NRG2: variants seen among roughly 807,000 people sequenced by gnomAD.
NRG2 encodes pro-neuregulin-2, membrane-bound isoform.
A neutral mutation model predicts 73.9 loss-of-function variants in NRG2; 27 were observed. That is an observed-to-expected ratio of 0.37 (90% CI 0.27 to 0.50). NRG2 has a LOEUF of 0.50. NRG2 is among the 20% of genes least tolerant of loss of function. NRG2 has a pLI of 0.96. For missense variants in NRG2, 1,126 were observed against 1,210.1 expected (o/e 0.93, Z 1.03); for synonymous variants, 532 against 541.0 (o/e 0.98, Z 0.23).
Position 139,865,712 on chromosome 5 carries a change from T to A in NRG2, c.1113-87A>T. On this transcript the variant is annotated intron_variant, in intron 4 of 9. Coordinates refer to ENST00000361474, the MANE Select transcript of NRG2 (RefSeq NM_004883.3). The surrounding 1 kb of genome is among the most constrained non-coding windows in gnomAD (Gnocchi z 5.2). ...AGAAATCAAAGTGCACAGTGATGAATGAGAAAAACCAAGTCAGGCACTTGG... is the reference window on the plus strand; with the variant it reads ...AGAAATCAAAGTGCACAGTGATGAAAGAGAAAAACCAAGTCAGGCACTTGG... The A allele has an allele frequency of 8.6e-7, 1 of 1,156,498 alleles. No homozygotes were observed. Among genetic ancestry groups the A allele is most frequent in the Non-Finnish European group, 1.2e-6 (1 of 800,928 alleles). The allele number at this position is 1,156,498 out of a possible 1,614,324, so 71.6% of individuals were successfully genotyped here. A position where few individuals can be genotyped will look rare whatever the true frequency, so the allele number is the denominator to read the frequency against.
At position 139,847,971 on chromosome 5, in the gene NRG2, G is replaced by C; in HGVS notation, c.2499C>G (p.Ser833Arg). The change falls in exon 10 of 10, where the codon AGC becomes AGG. Residue 833 changes from serine (S) to arginine (R), a missense_variant. Ser to Arg is a moderately radical substitution (Grantham distance 110, BLOSUM62 -1). Transcript: ENST00000361474. ...GCGGGGGCGGCCCGCGGCTGTGTCT[G>C]CTGCTGGCCCGCGTGCTGTGGCTGT... ...SLDSHSTRAS[S>R]RHSRGPPPRA... is the part of the protein sequence containing the mutation. The C allele has an allele frequency of 6.6e-7, 1 of 1,512,280 alleles. No homozygotes were observed. Among genetic ancestry groups the C allele is most frequent in the Non-Finnish European group, 8.8e-7 (1 of 1,134,874 alleles). The allele number at this position is 1,512,280 out of a possible 1,614,324, so 93.7% of individuals were successfully genotyped here.
At position 139,867,762 on chromosome 5, in the gene NRG2, CTGTG is replaced by C. The variant is rs367771225; in HGVS notation, c.1113-2141_1113-2138del. Among the ~76,000 whole-genome samples, 903 of 128,856 alleles carry C rather than the reference CTGTG, an allele frequency of 7.0e-3. 9 individuals carry two copies. The highest frequency in any genetic ancestry group is 0.02 in the African/African-American group (659 of 33,756). The allele number at this position is 128,856 out of a possible 152,430, so 84.5% of individuals were successfully genotyped here. A position where few individuals can be genotyped will look rare whatever the true frequency, so the allele number is the denominator to read the frequency against. On this transcript the variant is annotated intron_variant, in intron 4 of 9. Transcript: ENST00000361474. ...GCCCAGCTCTTGGAGGAAGGGAAAC[CTGTG>C]TGTGTGTGTGTGTGTGTGTGTGTGT... is the stretch of plus-strand genomic sequence containing the variant.
Position 139,856,561 on chromosome 5 carries a change from G to A in NRG2, c.1190-783C>T, listed in dbSNP as rs1370340873. The stretch of plus-strand genomic sequence containing the variant: ...AGGCTACAGCCCGGAGACCCCACCC[G>A]TGCCCACCACACCTGCTGGCTGGCC... On this transcript the variant is annotated intron_variant, in intron 5 of 9. Coordinates refer to ENST00000361474, the MANE Select transcript of NRG2 (RefSeq NM_004883.3). This position sits in a 1 kb window ranked among gnomAD's most constrained non-coding sequence, Gnocchi z 4.2. Among the ~76,000 whole-genome samples, 3 of 152,138 alleles carry A rather than the reference G, an allele frequency of 2.0e-5. No homozygotes were observed. The highest frequency in any genetic ancestry group is 2.1e-4 in the South Asian group (1 of 4,824).
chr5:139,964,387 C>T (rs1755327598), intron 1 of NRG2, among the ~76,000 whole-genome samples: 1 of 146,926 alleles, frequency 6.8e-6, no homozygotes, highest in Non-Finnish European at 1.5e-5. Flanking sequence ...CACACACACA[C>T]ACACGGATGC....
chr5:139,875,550 A>G (rs557035560), intron 3 of NRG2, among the ~76,000 whole-genome samples: 7 of 152,314 alleles, frequency 4.6e-5, no homozygotes, highest in African/African-American at 1.7e-4. Flanking sequence ...GGCTGATAAT[A>G]TCATCTTTTT....
At chr5:139,991,768 T>C (rs1757648933) in intron 1 of NRG2, among the ~76,000 whole-genome samples, 1 of 152,196 alleles carries the variant, frequency 6.6e-6, no homozygotes, top group South Asian at 2.1e-4. Flanking sequence ...GTTTCGCTTT[T>C]TTGCATATGA....
intron 1 of NRG2, among the ~76,000 whole-genome samples, chr5:139,902,682 T>C (rs1351138309): frequency 6.6e-6 from 1 of 152,034 alleles, no homozygotes; most frequent in African/African-American, 2.4e-5. Flanking sequence ...CCTTCCAAAA[T>C]GCCCAAGGTA....
At chr5:139,864,751 C>T (rs537379859) in intron 5 of NRG2, among the ~76,000 whole-genome samples, 114 of 140,712 alleles carry the variant, frequency 8.1e-4, no homozygotes, top group African/African-American at 3.4e-3. Flanking sequence ...CTCTCAAACA[C>T]GTCGGCACAC....
chr5:139,884,231 C>T (rs1202270177), intron 2 of NRG2, among the ~76,000 whole-genome samples: 1 of 152,166 alleles, frequency 6.6e-6, no homozygotes, highest in Admixed American at 6.5e-5. Flanking sequence ...GTCTAAGGCA[C>T]CATGGGAGGA....
At chr5:139,916,191 G>A (rs1209649266) in intron 1 of NRG2, among the ~76,000 whole-genome samples, 2 of 152,142 alleles carry the variant, frequency 1.3e-5, no homozygotes, top group Non-Finnish European at 2.9e-5. Context: ...CCGATCCCAC[G>A]AAAAACATTC....
chr5:139,944,825 C>T (rs574575380), intron 1 of NRG2, among the ~76,000 whole-genome samples: 9 of 152,170 alleles, frequency 5.9e-5, no homozygotes, highest in Admixed American at 3.3e-4. Flanking sequence ...TCTGAGAGAC[C>T]CCCATACTGT....
Position 139,848,002 on chromosome 5 carries a change from G to T in NRG2, c.2468C>A (p.Ser823Ter). 6.6e-7 allele frequency: 1 copy of T among 1,515,550 alleles called. No homozygotes were observed. Among genetic ancestry groups the T allele is most frequent in the Non-Finnish European group, 8.8e-7 (1 of 1,136,166 alleles). 93.9% of individuals were successfully genotyped at this position (1,515,550 alleles called of 1,614,324 possible). Residue 823 changes from serine to a stop codon, truncating the protein, a stop_gained, in exon 10 of 10, where the codon TCA becomes TAA. Coordinates refer to ENST00000361474, the MANE Select transcript of NRG2 (RefSeq NM_004883.3). LOFTEE classifies it high-confidence loss of function. ...GGCCCGCGTGCTGTGGCTGTCCAGTGAGTAGTAAGTCCTGCTGTCGGCCGC... is the reference window on the plus strand; with the variant it reads ...GGCCCGCGTGCTGTGGCTGTCCAGTTAGTAGTAAGTCCTGCTGTCGGCCGC... ...CPAADSRTYY[S>*]LDSHSTRASS...
At chr5:139,862,912 CTCTT>C (rs1203702711) in intron 5 of NRG2, among the ~76,000 whole-genome samples, 4 of 152,228 alleles carry the variant, frequency 2.6e-5, no homozygotes, top group African/African-American at 9.6e-5. Context: ...CAGTCACAGG[CTCTT>C]TCTTTGATCT....
chr5:139,923,752 C>T (rs1395068539), intron 1 of NRG2, among the ~76,000 whole-genome samples: 1 of 152,100 alleles, frequency 6.6e-6, no homozygotes. Flanking sequence ...TAAGGCCTGA[C>T]AAATGAGAGA....
intron 1 of NRG2, among the ~76,000 whole-genome samples, chr5:139,917,471 A>G (rs911663919): frequency 1.3e-5 from 2 of 152,126 alleles, no homozygotes; most frequent in African/African-American, 2.4e-5. Flanking sequence ...AGGCTGGTCT[A>G]GAACTCCTGG....
chr5:139,898,837 G>A (rs1764708498), intron 1 of NRG2, among the ~76,000 whole-genome samples: 1 of 152,204 alleles, frequency 6.6e-6, no homozygotes, highest in African/African-American at 2.4e-5. Flanking sequence ...ATACCTTCTG[G>A]ATTGTGCCTT....
At position 139,853,275 on chromosome 5, in the gene NRG2, C is replaced by T. The variant is rs1281264101; in HGVS notation, c.1293-248G>A. 2.6e-5 allele frequency among the ~76,000 whole-genome samples: 4 copies of T among 152,164 alleles called. No homozygotes were observed. The South Asian group carries it at 6.2e-4, about 24-fold the overall frequency. On this transcript the variant is annotated intron_variant, in intron 6 of 9. Coordinates refer to ENST00000361474, the MANE Select transcript of NRG2 (RefSeq NM_004883.3). This position sits in a 1 kb window ranked among gnomAD's most constrained non-coding sequence, Gnocchi z 4.1. ...TCACTGCTTTCTAGCTATGCAACCC[C>T]GGGCAAGTTACTTAAGCTCTTCACG...
chr5:139,886,812 T>G (rs1308693013), intron 2 of NRG2, among the ~76,000 whole-genome samples: 2 of 152,170 alleles, frequency 1.3e-5, no homozygotes, highest in Admixed American at 1.3e-4. Context: ...TTCTCAACTT[T>G]TAGGGGGAAA....
Position 139,904,357 on chromosome 5 carries a change from T to C in NRG2, c.701-16846A>G. On this transcript the variant is annotated intron_variant, in intron 1 of 9. Coordinates refer to ENST00000361474, the MANE Select transcript of NRG2 (RefSeq NM_004883.3). This position sits in a 1 kb window ranked among gnomAD's most constrained non-coding sequence, Gnocchi z 6.0. ...CTCCCGCTTCCTCCCCTCTGGGTGC[T>C]TCTTGCCGCGGCCGCGGCCCCTCCT... 1 of 1,589,788 alleles carries C rather than the reference T, an allele frequency of 6.3e-7. No homozygotes were observed. Among genetic ancestry groups the C allele is most frequent in the Non-Finnish European group, 8.5e-7 (1 of 1,176,400 alleles).
Sources: gnomAD v4.1 joint callset for allele counts (sites outside exome capture counted in the v4.1 genomes callset) on GRCh38, gnomAD v4.1.1 for gene constraint, Gnocchi (gnomAD v3.1) non-coding constraint, MANE v1.5 for transcripts, NCBI Gene and HGNC (gene_info 2026-07-23, HGNC 2026-07-21) for gene names.